Variants in KNDC1 observed in about 807,000 individuals in gnomAD.
The protein encoded by KNDC1 is kinase non-catalytic C-lobe domain containing 1, also known as kinase non-catalytic C-lobe domain-containing protein 1.
A neutral mutation model predicts 172.8 loss-of-function variants in KNDC1; 106 were observed. The observed-to-expected ratio is 0.61, with a 90% CI of 0.52 to 0.72. KNDC1 has a LOEUF of 0.72. Among genes scored for constraint, KNDC1 ranks in the 30% least tolerant of loss-of-function variants. KNDC1 has a pLI of 0.00. For missense variants in KNDC1, 2,325 were observed against 2,394.5 expected, an observed-to-expected ratio of 0.97 and a Z score of 0.61; for synonymous variants, 1,083 against 1,062.2, an observed-to-expected ratio of 1.02 and a Z score of -0.38.
In KNDC1 at chr10:133,197,771, G is replaced by A. The variant is rs1854236405; in HGVS notation, c.1906+3G>A. 2 of 1,608,772 alleles carry A rather than the reference G, an allele frequency of 1.2e-6. No individual in the cohort carries two copies. Among genetic ancestry groups the A allele is most frequent in the Non-Finnish European group, 1.7e-6 (2 of 1,177,952 alleles). On this transcript the variant is annotated splice_donor_region_variant and intron_variant, in intron 12 of 29. Transcript: ENST00000304613. ...ACCAGCCCCAGAGCCCAGCCCAGGT[G>A]GGGACCTGACCAGCCCCTGCTGCCC...
intron 17 of KNDC1, 120 bp downstream of exon 17, chr10:133,202,018 G>T: frequency 2.6e-6 from 3 of 1,147,886 alleles, no homozygotes; most frequent in Non-Finnish European, 2.5e-6. Context: ...GGGTGACACT[G>T]GTCCTGGTGC....
At position 133,224,531 on chromosome 10, in the gene KNDC1, C is replaced by T. The variant is rs1845680709; in HGVS notation, c.5019-128C>T. On this transcript the variant is annotated intron_variant, in intron 29 of 29. Transcript: ENST00000304613. The surrounding 1 kb of genome is among the most constrained non-coding windows in gnomAD (Gnocchi z 5.4). ...CTCGCCAATAAATACAGACAACCCA[C>T]CCTTCAGAATTTACACGGTGAAAAG... 1.5e-6 allele frequency: 1 copy of T among 677,858 alleles called. No individual in the cohort carries two copies. The highest frequency in any genetic ancestry group is 1.8e-5 in the African/African-American group (1 of 55,232). 42.0% of individuals were successfully genotyped at this position (677,858 alleles called of 1,614,324 possible). A position where few individuals can be genotyped will look rare whatever the true frequency, so the allele number is the denominator to read the frequency against.
At chr10:133,216,794 A>G (rs1845475738) in intron 26 of KNDC1, among the ~76,000 whole-genome samples, 2 of 152,268 alleles carry the variant, frequency 1.3e-5, no homozygotes, top group African/African-American at 4.8e-5. Context: ...GTCCACGGAG[A>G]GAAGAACAGA....
chr10:133,224,369 G>C lies in KNDC1; in HGVS notation c.5019-290G>C, dbSNP rs1845677460. 6.6e-6 allele frequency among the ~76,000 whole-genome samples: 1 copy of C among 152,188 alleles called. No individual in the cohort carries two copies. The highest frequency in any genetic ancestry group is 1.5e-5 in the Non-Finnish European group (1 of 68,036). On this transcript the variant is annotated intron_variant, in intron 29 of 29. Coordinates refer to ENST00000304613, the MANE Select transcript of KNDC1 (RefSeq NM_152643.8). This position sits in a 1 kb window ranked among gnomAD's most constrained non-coding sequence, Gnocchi z 5.4. ...CCTCTCAGCTGCAGCCCCTGCGGCA[G>C]ACTGGGCTTGACTCTTCTTGGGACG...
At position 133,186,514 on chromosome 10, in the gene KNDC1, T is replaced by G. The variant is rs1195404045; in HGVS notation, c.1166T>G (p.Val389Gly). Residue 389 changes from valine to glycine, a missense_variant, in exon 6 of 30, where the codon GTG (valine) becomes GGG (glycine). By Grantham distance (109) the Val-to-Gly change is moderately radical. Transcript: ENST00000304613. ...CGCAGCACGGACAGGGGCCCTGGGG[T>G]GCCCGGCAGTCCAGGACAGCCCGAG... is the stretch of plus-strand genomic sequence containing the variant. ...AGRSTDRGPG[V>G]PGSPGQPETS... is the part of the protein sequence containing the mutation. 6.2e-7 allele frequency: 1 copy of G among 1,611,660 alleles called. No individual in the cohort carries two copies. The highest frequency in any genetic ancestry group is 8.5e-7 in the Non-Finnish European group (1 of 1,179,704).
At chr10:133,208,576 C>T (rs1589768971) in intron 20 of KNDC1, among the ~76,000 whole-genome samples, 2 of 50,516 alleles carry the variant, frequency 4.0e-5, no homozygotes, top group Admixed American at 2.0e-4. Flanking sequence ...TAGAGAGGGA[C>T]GTGGCCCCAC....
intron 19 of KNDC1, 28 bp downstream of exon 19, chr10:133,206,981 C>T: frequency 6.2e-7 from 1 of 1,601,498 alleles, no homozygotes; most frequent in Non-Finnish European, 8.6e-7. Flanking sequence ...CCCGCTCTGC[C>T]CCGTGAGGCA....
chr10:133,185,824 C>A, intron 5 of KNDC1, 150 bp from the exon 6 acceptor site: 2 of 82,336 alleles, frequency 2.4e-5, no homozygotes, highest in Non-Finnish European at 5.3e-5. Context: ...GGTCTGTGAT[C>A]GTGGGAGGGG....
chr10:133,182,462 CAT>C (rs1459844607), intron 3 of KNDC1, among the ~76,000 whole-genome samples: 2 of 145,358 alleles, frequency 1.4e-5, no homozygotes, highest in Admixed American at 1.3e-4. Context: ...TGGCTCCACA[CAT>C]GAGCTGTGTG....
intron 5 of KNDC1, among the ~76,000 whole-genome samples, chr10:133,184,643 C>T (rs57683796): frequency 0.057 from 8,723 of 152,304 alleles, 778 homozygotes; most frequent in African/African-American, 0.19. Flanking sequence ...CGTGGTCAGA[C>T]ACGCAAACAT....
intron 1 of KNDC1, among the ~76,000 whole-genome samples, chr10:133,166,759 T>A (rs1853172357): frequency 6.7e-6 from 1 of 149,840 alleles, no homozygotes; most frequent in African/African-American, 2.5e-5. Context: ...GGGGGGGGTG[T>A]GGGTGTTGGT....
At chr10:133,219,129 C>T (rs191002716) in intron 28 of KNDC1, 39 bp downstream of exon 28, 14 of 1,598,472 alleles carry the variant, frequency 8.8e-6, no homozygotes, top group Admixed American at 5.2e-5. Flanking sequence ...TTTGGTCCCC[C>T]GAGGCCCTCT....
At chr10:133,164,685 G>A (rs1335621002) in intron 1 of KNDC1, among the ~76,000 whole-genome samples, 1 of 152,228 alleles carries the variant, frequency 6.6e-6, no homozygotes. Context: ...CTACCTGGTA[G>A]CAAGGCTGAG....
chr10:133,220,984 CA>C (rs1263536733), intron 29 of KNDC1, among the ~76,000 whole-genome samples: 10 of 152,104 alleles, frequency 6.6e-5, no homozygotes, highest in African/African-American at 2.4e-4. Flanking sequence ...TCCCTCTACC[CA>C]AGATAACCTC....
chr10:133,175,107 T>G (rs1477403745), intron 3 of KNDC1, among the ~76,000 whole-genome samples: 2 of 141,948 alleles, frequency 1.4e-5, no homozygotes, highest in African/African-American at 5.4e-5. Context: ...GGATGGTGGA[T>G]ATGTGGATGG....
intron 7 of KNDC1, 68 bp from the exon 8 acceptor site, chr10:133,189,530 C>T: frequency 6.7e-7 from 1 of 1,487,468 alleles, no homozygotes; most frequent in Non-Finnish European, 9.3e-7. Flanking sequence ...CTCCGCAGCT[C>T]CTTCCCCCCA....
At chr10:133,178,142 ATG>A (rs1474509923) in intron 3 of KNDC1, among the ~76,000 whole-genome samples, 2 of 146,084 alleles carry the variant, frequency 1.4e-5, no homozygotes, top group African/African-American at 2.6e-5. Context: ...CATGTAGTCT[ATG>A]TGTCACGGGC....
chr10:133,218,116 C>G (rs902632556), intron 26 of KNDC1, among the ~76,000 whole-genome samples: 15 of 152,012 alleles, frequency 9.9e-5, no homozygotes, highest in African/African-American at 3.6e-4. Context: ...GACTCTGCAG[C>G]CTTGGTTTCC....
intron 17 of KNDC1, among the ~76,000 whole-genome samples, chr10:133,203,864 C>T (rs35507263): frequency 2.0e-5 from 3 of 152,230 alleles, no homozygotes; most frequent in East Asian, 1.9e-4. Flanking sequence ...GGAGCGCCCC[C>T]GACGGACATC....
Sources: allele counts gnomAD v4.1 joint callset (sites outside exome capture counted in the v4.1 genomes callset), GRCh38; gene constraint gnomAD v4.1.1; non-coding constraint Gnocchi (gnomAD v3.1); transcripts MANE v1.5; gene names NCBI Gene and HGNC (gene_info 2026-07-23, HGNC 2026-07-21).